PARD3B: variants seen among roughly 807,000 people sequenced by gnomAD.
PARD3B encodes the protein par-3 family cell polarity regulator beta.
Under a neutral mutation model 130.2 loss-of-function variants are expected in PARD3B, and 103 were observed. The ratio of observed to expected loss-of-function variants is 0.79; its 90% CI spans 0.67 to 0.93. The LOEUF is 0.93. Ranked by LOEUF, PARD3B falls within the 40% of genes least tolerant of loss-of-function variation. The pLI is 0.00. For synonymous variants in PARD3B, 583 were observed against 553.2 expected, an observed-to-expected ratio of 1.05 and a Z score of -0.76; for missense variants, 1,609 against 1,499.2, an observed-to-expected ratio of 1.07 and a Z score of -1.21.
intron 2 of PARD3B, among the ~76,000 whole-genome samples, chr2:204,877,638 C>G (rs1485421991): frequency 6.6e-6 from 1 of 152,114 alleles, no homozygotes; most frequent in East Asian, 1.9e-4. Context: ...ACCAAAGATG[C>G]CAGGATTCAC....
At chr2:204,997,045 G>A (rs1424400009) in intron 3 of PARD3B, among the ~76,000 whole-genome samples, 2 of 152,120 alleles carry the variant, frequency 1.3e-5, no homozygotes, top group Non-Finnish European at 1.5e-5. Flanking sequence ...CGTCTTCTGC[G>A]TCGCTCACGC....
rs143009765 is a variant in PARD3B at position 205,205,759 on chromosome 2, C to T, written c.2140+12439C>T. 8.0e-3 allele frequency among the ~76,000 whole-genome samples: 1,223 copies of T among 152,210 alleles called. 17 individuals carry two copies. Among genetic ancestry groups the T allele is most frequent in the African/African-American group, 0.014 (573 of 41,540 alleles). ...GTGAAGGATTACATTAATTGATTTG[C>T]GTATGTTGAACCAGCCTTGCATCCC... On this transcript the variant is annotated intron_variant, in intron 15 of 22. Transcript: ENST00000406610.
rs1440738670 is a variant in PARD3B, at chr2:204,675,584, C to G, written c.121-10597C>G. On this transcript the variant is annotated intron_variant, in intron 1 of 22. Coordinates refer to ENST00000406610, the MANE Select transcript of PARD3B (RefSeq NM_001302769.2). The surrounding 1 kb of genome is among the most constrained non-coding windows in gnomAD (Gnocchi z 4.4). ...GTTCTTTATTAAAAAAAAGCTCTAT[C>G]TAGATCTGGACCTTTTCTTCTCAAA... is the stretch of plus-strand genomic sequence containing the variant. Among the ~76,000 whole-genome samples the G allele has an allele frequency of 1.3e-5, 2 of 151,994 alleles. No individual in the cohort carries two copies. The highest frequency in any genetic ancestry group is 4.8e-5 in the African/African-American group (2 of 41,408).
At chr2:204,923,189 G>A (rs2047750547) in intron 2 of PARD3B, among the ~76,000 whole-genome samples, 2 of 151,998 alleles carry the variant, frequency 1.3e-5, no homozygotes, top group African/African-American at 4.8e-5. Context: ...ATATCTGAAT[G>A]ATTATCCAGT....
intron 3 of PARD3B, among the ~76,000 whole-genome samples, chr2:204,977,051 T>C (rs749064676): frequency 1.3e-5 from 2 of 152,196 alleles, no homozygotes; most frequent in Non-Finnish European, 2.9e-5. Flanking sequence ...AAAATTAAAT[T>C]TTGGTTTTTC....
rs77158304 is a variant in PARD3B, at chr2:204,565,510, A to G, written c.120+19391A>G. 1.9e-3 allele frequency among the ~76,000 whole-genome samples: 288 copies of G among 152,298 alleles called. 1 individual carries two copies. Among genetic ancestry groups the G allele is most frequent in the African/African-American group, 6.4e-3 (266 of 41,564 alleles). On this transcript the variant is annotated intron_variant, in intron 1 of 22. Coordinates refer to ENST00000406610, the MANE Select transcript of PARD3B (RefSeq NM_001302769.2). The stretch of plus-strand genomic sequence containing the variant: ...GTATCAGTTTTCCAAACGTTGACAT[A>G]TTTCATTATATAATATCAAAAACTA...
At chr2:204,703,292 T>G (rs557293779) in intron 2 of PARD3B, among the ~76,000 whole-genome samples, 56 of 152,332 alleles carry the variant, frequency 3.7e-4, no homozygotes, top group Middle Eastern at 3.4e-3. Flanking sequence ...TTTCTGGAAC[T>G]CTACTGTCCC....
rs71032461 is a variant in PARD3B, at chr2:205,322,889, C to CTTTTTTTTTTTTTTTTTTTTTTTTTT, written c.2630+21205_2630+21230dup. ...TGTTGTTATATCATTATTAACACCTCTTTTTTTTTTTTTTTTTTTTTTTTT... is the reference window on the plus strand; with the variant it reads ...TGTTGTTATATCATTATTAACACCTCTTTTTTTTTTTTTTTTTTTTTTTTTTTTTTTTTTTTTTTTTTTTTTTTTTT... On this transcript the variant is annotated intron_variant, in intron 18 of 22. Transcript: ENST00000406610. Among the ~76,000 whole-genome samples, 10 of 51,468 alleles carry CTTTTTTTTTTTTTTTTTTTTTTTTTT rather than the reference C, an allele frequency of 1.9e-4. 5 individuals are homozygous for CTTTTTTTTTTTTTTTTTTTTTTTTTT. The highest frequency in any genetic ancestry group is 3.8e-4 in the Non-Finnish European group (10 of 26,334). 33.8% of individuals were successfully genotyped at this position (51,468 alleles called of 152,430 possible). A position where few individuals can be genotyped will look rare whatever the true frequency, so the allele number is the denominator to read the frequency against.
chr2:205,546,690 T>G (rs1465097728), intron 21 of PARD3B, among the ~76,000 whole-genome samples: 1 of 152,166 alleles, frequency 6.6e-6, no homozygotes, highest in African/African-American at 2.4e-5. Context: ...TTAGCAACCC[T>G]CTATCTGCAA....
intron 1 of PARD3B, among the ~76,000 whole-genome samples, chr2:204,680,247 T>C (rs1479399567): frequency 6.6e-6 from 1 of 152,074 alleles, no homozygotes; most frequent in Non-Finnish European, 1.5e-5. Flanking sequence ...ATAAATTCAA[T>C]TTAATTCTTG....
chr2:205,283,059 G>C (rs2041252261), intron 16 of PARD3B, among the ~76,000 whole-genome samples: 1 of 152,178 alleles, frequency 6.6e-6, no homozygotes, highest in African/African-American at 2.4e-5. Flanking sequence ...GTGGGGTTTT[G>C]GGGAACCCAG....
At chr2:205,245,959 C>T (rs555709962) in intron 16 of PARD3B, 137 bp downstream of exon 16, 37 of 670,636 alleles carry the variant, frequency 5.5e-5, no homozygotes, top group Non-Finnish European at 3.7e-5. Flanking sequence ...CTCTGACTTC[C>T]ACAAAGATGA....
intron 18 of PARD3B, among the ~76,000 whole-genome samples, chr2:205,357,099 G>T (rs987735692): frequency 5.9e-5 from 9 of 152,116 alleles, no homozygotes; most frequent in African/African-American, 2.2e-4. Flanking sequence ...ATTTGGACCA[G>T]CATATGTTTA....
At chr2:204,576,333 C>T (rs1052260965) in intron 1 of PARD3B, among the ~76,000 whole-genome samples, 3 of 152,144 alleles carry the variant, frequency 2.0e-5, no homozygotes, top group African/African-American at 7.2e-5. Context: ...ACACAAGGTA[C>T]ATTTGAATGT....
chr2:205,401,702 A>C (rs2046258350), intron 19 of PARD3B, among the ~76,000 whole-genome samples: 1 of 152,184 alleles, frequency 6.6e-6, no homozygotes, highest in African/African-American at 2.4e-5. Context: ...TTAATGTTCC[A>C]TTTGGACAAG....
chr2:205,343,976 A>G (rs2043646563), intron 18 of PARD3B, among the ~76,000 whole-genome samples: 1 of 152,128 alleles, frequency 6.6e-6, no homozygotes, highest in African/African-American at 2.4e-5. Context: ...TTCTCTTTTA[A>G]GTGGGGGAAG....
chr2:205,263,927 G>A lies in PARD3B; in HGVS notation c.2185+18105G>A, dbSNP rs1170659861. ...TTTACTAGGTTATTTTAGACAAAGAGTAATGAGAAGTGGAAGAAGATTGTC... is the reference window on the plus strand; with the variant it reads ...TTTACTAGGTTATTTTAGACAAAGAATAATGAGAAGTGGAAGAAGATTGTC... On this transcript the variant is annotated intron_variant, in intron 16 of 22. Transcript: ENST00000406610. The surrounding 1 kb of genome is among the most constrained non-coding windows in gnomAD (Gnocchi z 4.0). 6.6e-6 allele frequency among the ~76,000 whole-genome samples: 1 copy of A among 151,148 alleles called. No homozygotes were observed. Among genetic ancestry groups the A allele is most frequent in the Non-Finnish European group, 1.5e-5 (1 of 67,616 alleles).
intron 21 of PARD3B, among the ~76,000 whole-genome samples, chr2:205,514,833 CTTT>C (rs5837976): frequency 1.4e-4 from 19 of 136,000 alleles, no homozygotes; most frequent in East Asian, 2.1e-4. Context: ...TCTTACAGTT[CTTT>C]TTTTTTTTTT....
chr2:205,557,176 G>A (rs375988605), intron 22 of PARD3B, among the ~76,000 whole-genome samples: 1 of 152,142 alleles, frequency 6.6e-6, no homozygotes, highest in Non-Finnish European at 1.5e-5. Context: ...ATGCGTGGGC[G>A]GCAAAAGGTT....
Sources: allele counts gnomAD v4.1 joint callset (sites outside exome capture counted in the v4.1 genomes callset), GRCh38; gene constraint gnomAD v4.1.1; non-coding constraint Gnocchi (gnomAD v3.1); transcripts MANE v1.5; gene names NCBI Gene and HGNC (gene_info 2026-07-23, HGNC 2026-07-21).